The following LRP1B variants were observed in gnomAD, a reference collection of about 807,000 sequenced individuals.
The protein encoded by LRP1B is LDL receptor related protein 1B, also known as low-density lipoprotein receptor-related protein 1B.
A neutral mutation model predicts 556.6 loss-of-function variants in LRP1B; 217 were observed. That is an observed-to-expected ratio of 0.39 (90% CI 0.35 to 0.44). The LOEUF is 0.44. LRP1B is among the 20% of genes least tolerant of loss of function. LRP1B has a pLI of 1.00. For missense variants in LRP1B, 5,053 were observed against 5,620.8 expected, an observed-to-expected ratio of 0.90 and a Z score of 3.23; for synonymous variants, 2,047 against 1,865.8, an observed-to-expected ratio of 1.10 and a Z score of -2.50.
At chr2:141,079,607 TTC>T (rs1246967403) in intron 7 of LRP1B, among the ~76,000 whole-genome samples, 4 of 152,202 alleles carry the variant, frequency 2.6e-5, no homozygotes, top group African/African-American at 4.8e-5. Context: ...CTTCCCTTCC[TTC>T]TCTCTTTTCA....
rs564630984 is a variant in LRP1B at position 140,902,457 on chromosome 2, C to T, written c.3766+463G>A. Among the ~76,000 whole-genome samples, 5 of 152,174 alleles carry T rather than the reference C, an allele frequency of 3.3e-5. No individual in the cohort carries two copies. In the East Asian group the frequency reaches 7.7e-4, roughly 24 times the overall value. The stretch of plus-strand genomic sequence containing the variant: ...AGAGTTGAAATATCATAATCTAAAG[C>T]CCTTGTTTGCCTTTCCCACTGTGAA... On this transcript the variant is annotated intron_variant, in intron 23 of 90. Transcript: ENST00000389484.
chr2:142,038,731 T>G (rs1703968107), intron 1 of LRP1B, among the ~76,000 whole-genome samples: 1 of 151,584 alleles, frequency 6.6e-6, no homozygotes, highest in Admixed American at 6.6e-5. Flanking sequence ...TGTAACTTTT[T>G]CTATTAGGCA....
intron 79 of LRP1B, among the ~76,000 whole-genome samples, chr2:140,329,253 A>ATAAT (rs1260389452): frequency 6.6e-6 from 1 of 152,056 alleles, no homozygotes; most frequent in Admixed American, 6.6e-5. Flanking sequence ...ATACCTCAAA[A>ATAAT]TAATAACCAT....
In LRP1B at chr2:142,028,358, C is replaced by T. The variant is rs145678150; in HGVS notation, c.82+102290G>A. On this transcript the variant is annotated intron_variant, in intron 1 of 90. Transcript: ENST00000389484. The stretch of plus-strand genomic sequence containing the variant: ...CCATCAACCATTCTACTACCTCCAA[C>T]CCTTGCAAACACTGACCTATTCATT... Among the ~76,000 whole-genome samples the T allele has an allele frequency of 2.0e-4, 30 of 152,082 alleles. 1 individual carries two copies. Among genetic ancestry groups the T allele is most frequent in the African/African-American group, 6.7e-4 (28 of 41,536 alleles).
At chr2:141,614,080 C>CAGAAAAAAAAAAAAA (rs1553543025) in intron 2 of LRP1B, among the ~76,000 whole-genome samples, 23 of 47,352 alleles carry the variant, frequency 4.9e-4, no homozygotes, top group East Asian at 3.8e-3. Flanking sequence ...AACTCAGCCT[C>CAGAAAAAAAAAAAAA]AAAAAAAAAA....
At chr2:142,047,644 A>C (rs1704307363) in intron 1 of LRP1B, among the ~76,000 whole-genome samples, 1 of 151,954 alleles carries the variant, frequency 6.6e-6, no homozygotes, top group Non-Finnish European at 1.5e-5. Flanking sequence ...GCTCCACTGC[A>C]TCTCGCAGCT....
At chr2:140,621,234 A>T (rs866756321) in intron 41 of LRP1B, among the ~76,000 whole-genome samples, 59 of 151,610 alleles carry the variant, frequency 3.9e-4, no homozygotes, top group Middle Eastern at 6.8e-3. Flanking sequence ...ACAAAAAAAA[A>T]AATTAGCCGG....
At chr2:140,889,326 C>T (rs773716120) in intron 23 of LRP1B, among the ~76,000 whole-genome samples, 2 of 152,162 alleles carry the variant, frequency 1.3e-5, no homozygotes, top group Non-Finnish European at 2.9e-5. Flanking sequence ...GACAGAGTCT[C>T]ACTCTGTTGC....
chr2:141,816,442 CA>C (rs1304478365), intron 1 of LRP1B, among the ~76,000 whole-genome samples: 3 of 152,170 alleles, frequency 2.0e-5, no homozygotes, highest in Non-Finnish European at 4.4e-5. Flanking sequence ...TTTCTGCCTT[CA>C]AACATCAGAC....
chr2:140,713,883 G>A (rs548346293), intron 37 of LRP1B, among the ~76,000 whole-genome samples: 1 of 152,102 alleles, frequency 6.6e-6, no homozygotes, highest in East Asian at 1.9e-4. Flanking sequence ...TATTATTGCT[G>A]CTACCACCCT....
At chr2:141,688,167 C>A (rs1224277660) in intron 2 of LRP1B, among the ~76,000 whole-genome samples, 2 of 151,648 alleles carry the variant, frequency 1.3e-5, no homozygotes, top group Admixed American at 6.6e-5. Flanking sequence ...AATTTTCTTT[C>A]TGTCACACGT....
chr2:141,902,361 T>C (rs192088512), intron 1 of LRP1B, among the ~76,000 whole-genome samples: 1 of 152,074 alleles, frequency 6.6e-6, no homozygotes, highest in East Asian at 1.9e-4. Context: ...AGCATGTATA[T>C]AAGTGGTTAG....
chr2:140,949,802 TG>T (rs1204692524), intron 20 of LRP1B, among the ~76,000 whole-genome samples: 1 of 151,590 alleles, frequency 6.6e-6, no homozygotes, highest in Non-Finnish European at 1.5e-5. Context: ...TAGCCGGGCA[TG>T]GTGGCAGGTG....
At chr2:142,022,731 C>T (rs904149498) in intron 1 of LRP1B, among the ~76,000 whole-genome samples, 2 of 152,058 alleles carry the variant, frequency 1.3e-5, no homozygotes, top group African/African-American at 4.8e-5. Flanking sequence ...AGTGCCGTGG[C>T]ACCATCTCGG....
At position 141,094,547 on chromosome 2, in the gene LRP1B, C is replaced by T. The variant is rs193006527; in HGVS notation, c.1014-32274G>A. On this transcript the variant is annotated intron_variant, in intron 7 of 90. Transcript: ENST00000389484. ...AGCAGGAGACCAGCAGCTAGATCTTCGGCATATGTTACTGACCTGTGTTCA... is the reference window on the plus strand; with the variant it reads ...AGCAGGAGACCAGCAGCTAGATCTTTGGCATATGTTACTGACCTGTGTTCA... 2.4e-3 allele frequency among the ~76,000 whole-genome samples: 369 copies of T among 152,164 alleles called. 2 individuals carry two copies. Among genetic ancestry groups the T allele is most frequent in the Non-Finnish European group, 4.0e-3 (275 of 68,002 alleles).
At chr2:140,444,767 T>TC (rs1686581126) in intron 63 of LRP1B, 88 bp from the exon 64 acceptor site, 7 of 752,602 alleles carry the variant, frequency 9.3e-6, no homozygotes, top group Non-Finnish European at 1.6e-5. Context: ...AGATATTTAC[T>TC]ATAATAAATA....
At chr2:140,851,032 A>G (rs1296920154) in intron 28 of LRP1B, among the ~76,000 whole-genome samples, 1 of 152,118 alleles carries the variant, frequency 6.6e-6, no homozygotes, top group Non-Finnish European at 1.5e-5. Context: ...TGACTTTTAA[A>G]TTTTGGTGAG....
At chr2:141,514,849 C>A (rs969291725) in intron 2 of LRP1B, among the ~76,000 whole-genome samples, 1 of 152,080 alleles carries the variant, frequency 6.6e-6, no homozygotes, top group Non-Finnish European at 1.5e-5. Context: ...AAGTAAAAAA[C>A]ACAGAATGAT....
At chr2:141,537,267 T>C (rs1468202902) in intron 2 of LRP1B, among the ~76,000 whole-genome samples, 1 of 152,042 alleles carries the variant, frequency 6.6e-6, no homozygotes, top group Non-Finnish European at 1.5e-5. Flanking sequence ...AAACTACATA[T>C]AAAAATTCTG....
Sources: allele counts gnomAD v4.1 joint callset (sites outside exome capture counted in the v4.1 genomes callset), GRCh38; gene constraint gnomAD v4.1.1; transcripts MANE v1.5; gene names NCBI Gene and HGNC (gene_info 2026-07-23, HGNC 2026-07-21).